Variants in NOP56 observed in about 807,000 individuals in gnomAD.
The protein encoded by NOP56 is NOP56 ribonucleoprotein, also known as nucleolar protein 56.
Under a neutral mutation model 58.3 loss-of-function variants are expected in NOP56, and 31 were observed. The observed-to-expected ratio is 0.53, with a 90% CI of 0.40 to 0.72. NOP56 has a LOEUF of 0.72. Ranked by LOEUF, NOP56 falls within the 30% of genes least tolerant of loss-of-function variation. The pLI, the probability that NOP56 is intolerant of heterozygous loss-of-function variation, is 0.00. For missense variants in NOP56, 669 were observed against 739.9 expected (o/e 0.90, Z 1.11); for synonymous variants, 313 against 282.8 (o/e 1.11, Z -1.07).
intron 11 of NOP56, 26 bp downstream of exon 11, chr20:2,657,244 G>A: frequency 6.2e-7 from 1 of 1,613,858 alleles, no homozygotes; most frequent in South Asian, 1.1e-5. Context: ...GGCCCTGGCA[G>A]AGATCCTAGG....
rs147441672 is a variant in NOP56 at position 2,657,197 on chromosome 20, T to C, written c.1398T>C (p.Ser466=). ...CCCTCGCGTCTTCAGAAAACAGCAG[T>C]AGTACTCCAGAGGAGTGTGAGGTCA... ...ALALASSENS[S]STPEECEEMS... Residue 466 remains serine (S), a synonymous_variant, in exon 11 of 12, where the codon AGT becomes AGC. Coordinates refer to ENST00000329276, the MANE Select transcript of NOP56 (RefSeq NM_006392.4). 1.2e-6 allele frequency: 2 copies of C among 1,613,920 alleles called. No homozygotes were observed. Among genetic ancestry groups the C allele is most frequent in the Non-Finnish European group, 1.7e-6 (2 of 1,179,958 alleles).
chr20:2,657,201 A>C lies in NOP56; in HGVS notation c.1402A>C (p.Thr468Pro), dbSNP rs777924552. Residue 468 changes from threonine (T) to proline (P), a missense_variant, in exon 11 of 12, where the codon ACT becomes CCT. Around this residue, in one of 3 missense-constraint regions of NOP56, gnomAD observed 209 missense variants for 196.2 expected, o/e 1.07. Coordinates refer to ENST00000329276, the MANE Select transcript of NOP56 (RefSeq NM_006392.4). Reference sequence around the variant, plus strand: ...CGCGTCTTCAGAAAACAGCAGTAGTACTCCAGAGGAGTGTGAGGTCAGTAG... The same window carrying C: ...CGCGTCTTCAGAAAACAGCAGTAGTCCTCCAGAGGAGTGTGAGGTCAGTAG... ...ALASSENSSS[T>P]PEECEEMSEK... 7 of 1,614,074 alleles carry C rather than the reference A, an allele frequency of 4.3e-6. No individual in the cohort carries two copies. The South Asian group carries it at 6.6e-5, about 15-fold the overall frequency.
At position 2,655,640 on chromosome 20, in the gene NOP56, C is replaced by G; in HGVS notation, c.803C>G (p.Ser268Cys). 6.2e-7 allele frequency: 1 copy of G among 1,614,216 alleles called. No individual in the cohort carries two copies. The highest frequency in any genetic ancestry group is 8.5e-7 in the Non-Finnish European group (1 of 1,180,040). ...GACTTGATAAACATCGAGAGCTTCT[C>G]CAGTCGTGTGGTGTCTTTATCTGAA... ...AIDLINIESFSSRVVSLSEYR... is the reference protein window; with the variant it reads ...AIDLINIESFCSRVVSLSEYR... The change falls in exon 7 of 12, where the codon TCC becomes TGC. Residue 268 changes from serine (S) to cysteine (C), a missense_variant. Ser to Cys is a moderately radical substitution (Grantham distance 112). Transcript: ENST00000329276.
intron 11 of NOP56, 151 bp downstream of exon 11, chr20:2,657,369 A>G (rs1465810108): frequency 1.1e-5 from 13 of 1,139,214 alleles, no homozygotes; most frequent in East Asian, 1.0e-4. Flanking sequence ...TCTTGATTCT[A>G]TAGGAAGGAG....
In NOP56 at chr20:2,656,206, A is replaced by G. The variant is rs770016286; in HGVS notation, c.1010+172A>G. 5 of 1,605,436 alleles carry G rather than the reference A, an allele frequency of 3.1e-6. No homozygotes were observed. The African/African-American group carries it at 4.0e-5, about 13-fold the overall frequency. ...TTCCCAGGGCCCAGCAAAGGGACCA[A>G]GTTTCCAGGTCAGCGACATTGGATG... is the stretch of plus-strand genomic sequence containing the variant. On this transcript the variant is annotated intron_variant, in intron 8 of 11. Coordinates refer to ENST00000329276, the MANE Select transcript of NOP56 (RefSeq NM_006392.4).
intron 1 of NOP56, 39 bp from the exon 2 acceptor site, chr20:2,652,803 G>A (rs752748716): frequency 6.9e-6 from 11 of 1,586,412 alleles, no homozygotes; most frequent in Non-Finnish European, 8.6e-6. Context: ...GGCAGACGCT[G>A]AGGTTGCGTT....
At chr20:2,653,553 C>T (rs1420679196) in intron 3 of NOP56, 160 bp downstream of exon 3, 1 of 631,220 alleles carries the variant, frequency 1.6e-6, no homozygotes, top group Non-Finnish European at 2.8e-6. Context: ...TAATTGTCTT[C>T]ACAGAGCTCA....
intron 8 of NOP56, 132 bp downstream of exon 8, chr20:2,656,166 C>T (rs749136965): frequency 2.2e-5 from 35 of 1,608,530 alleles, no homozygotes; most frequent in African/African-American, 8.0e-5. Flanking sequence ...ATGGCCAGTC[C>T]TGGTGTCTGA....
chr20:2,655,900 A>C, intron 7 of NOP56, 34 bp from the exon 8 acceptor site: 1 of 1,613,944 alleles, frequency 6.2e-7, no homozygotes, highest in African/African-American at 1.3e-5. Context: ...TCAGCAGTTC[A>C]TTTCTCTGAC....
Position 2,655,579 on chromosome 20 carries a change from A to G in NOP56, c.758-16A>G. ...TAAATAGCTGGCCTCTTGCATTCAC[A>G]CTTGGTTTTTCCTAGGCATGGACAT... On this transcript the variant is annotated splice_polypyrimidine_tract_variant and intron_variant, in intron 6 of 11. Coordinates refer to ENST00000329276, the MANE Select transcript of NOP56 (RefSeq NM_006392.4). 6 of 1,614,186 alleles carry G rather than the reference A, an allele frequency of 3.7e-6. No individual in the cohort carries two copies. Among genetic ancestry groups the G allele is most frequent in the Non-Finnish European group, 5.1e-6 (6 of 1,180,030 alleles).
At position 2,656,228 on chromosome 20, in the gene NOP56, G is replaced by T. The variant is rs998710367; in HGVS notation, c.1011-173G>T. 1.9e-6 allele frequency: 3 copies of T among 1,604,778 alleles called. No individual in the cohort carries two copies. In the African/African-American group the frequency reaches 4.0e-5, roughly 21 times the overall value. On this transcript the variant is annotated intron_variant, in intron 8 of 11. Transcript: ENST00000329276. The stretch of plus-strand genomic sequence containing the variant: ...CCAAGTTTCCAGGTCAGCGACATTG[G>T]ATGCCTTCCCTCTGCCTCTGGGAGC...
At chr20:2,654,722 T>C in intron 4 of NOP56, 27 bp from the exon 5 acceptor site, 6 of 1,612,682 alleles carry the variant, frequency 3.7e-6, no homozygotes, top group Middle Eastern at 1.7e-4. Context: ...GAGCCCCTTG[T>C]TGCTCACCGT....
At chr20:2,657,889 G>C in intron 11 of NOP56, 40 bp from the exon 12 acceptor site, 1 of 1,536,780 alleles carries the variant, frequency 6.5e-7, no homozygotes, top group East Asian at 2.3e-5. Context: ...GATGTAATGA[G>C]CACTGTTCTC....
At chr20:2,656,350 T>C in intron 8 of NOP56, 51 bp from the exon 9 acceptor site, 1 of 1,612,404 alleles carries the variant, frequency 6.2e-7, no homozygotes. Flanking sequence ...CTGCCTTGGC[T>C]AATGGGGTTG....
chr20:2,657,199 G>C lies in NOP56; in HGVS notation c.1400G>C (p.Ser467Thr), dbSNP rs772176939. ...CTCGCGTCTTCAGAAAACAGCAGTA[G>C]TACTCCAGAGGAGTGTGAGGTCAGT... ...LALASSENSS[S>T]TPEECEEMSE... The change falls in exon 11 of 12, where the codon AGT (serine) becomes ACT (threonine). Residue 467 changes from serine (S) to threonine (T), a missense_variant. By Grantham distance (58) the Ser-to-Thr change is moderately conservative. Around this residue, in one of 3 missense-constraint regions of NOP56, gnomAD observed 209 missense variants for 196.2 expected, o/e 1.07. Transcript: ENST00000329276. 5.0e-6 allele frequency: 8 copies of C among 1,614,182 alleles called. No homozygotes were observed. In the South Asian group the frequency reaches 6.6e-5, roughly 13 times the overall value.
Position 2,656,290 on chromosome 20 carries a change from G to C in NOP56, c.1011-111G>C. On this transcript the variant is annotated intron_variant, in intron 8 of 11. Coordinates refer to ENST00000329276, the MANE Select transcript of NOP56 (RefSeq NM_006392.4). Reference sequence around the variant, plus strand: ...ATGCATTGGGGTAGAGATCCAATCTGGCCTGAGGCTCACTCAGGACTTCGG... The same window carrying C: ...ATGCATTGGGGTAGAGATCCAATCTCGCCTGAGGCTCACTCAGGACTTCGG... The C allele has an allele frequency of 1.9e-6, 3 of 1,603,992 alleles. No homozygotes were observed. The South Asian group carries it at 3.3e-5, about 18-fold the overall frequency.
intron 8 of NOP56, 90 bp from the exon 9 acceptor site, chr20:2,656,303 CTCAGGACT>C: frequency 6.2e-7 from 1 of 1,604,556 alleles, no homozygotes; most frequent in African/African-American, 1.3e-5. Context: ...CTGAGGCTCA[CTCAGGACT>C]TCGGGGTGAG....
rs1338923488 is a variant in NOP56, at chr20:2,652,654, TG to T, written c.-5del. The T allele has an allele frequency of 7.0e-7, 1 of 1,426,408 alleles. No homozygotes were observed. The highest frequency in any genetic ancestry group is 9.1e-7 in the Non-Finnish European group (1 of 1,098,168). 88.4% of individuals were successfully genotyped at this position (1,426,408 alleles called of 1,614,324 possible). On this transcript the variant is annotated 5_prime_UTR_variant, in exon 1 of 12. Transcript: ENST00000329276. ...CGCATTGCGAGCCGAACCCGGGAGC[TG>T]GCGCCATGGTGAGGAGTGGTTGCGG...
intron 8 of NOP56, 173 bp downstream of exon 8, chr20:2,656,207 G>A (rs1280875059): frequency 1.2e-6 from 2 of 1,605,472 alleles, no homozygotes; most frequent in East Asian, 2.2e-5. Flanking sequence ...AAGGGACCAA[G>A]TTTCCAGGTC....
Sources: gnomAD v4.1 joint callset for allele counts on GRCh38, gnomAD v4.1.1 for gene constraint, gnomAD v4.1.1 regional missense constraint, MANE v1.5 for transcripts, NCBI Gene and HGNC (gene_info 2026-07-23, HGNC 2026-07-21) for gene names.